The following ATF7IP2 variants were observed in gnomAD, a reference collection of about 807,000 sequenced individuals.
ATF7IP2 encodes activating transcription factor 7 interacting protein 2.
A neutral mutation model predicts 64.2 loss-of-function variants in ATF7IP2; 42 were observed. The ratio of observed to expected loss-of-function variants is 0.65; its 90% CI spans 0.51 to 0.85. ATF7IP2 has a LOEUF of 0.85. Among genes scored for constraint, ATF7IP2 ranks in the 40% least tolerant of loss-of-function variants. ATF7IP2 has a pLI of 0.00. For missense variants in ATF7IP2, 933 were observed against 784.2 expected, an observed-to-expected ratio of 1.19 and a Z score of -2.27; for synonymous variants, 308 against 272.8, an observed-to-expected ratio of 1.13 and a Z score of -1.27.
intron 1 of ATF7IP2, among the ~76,000 whole-genome samples, chr16:10,411,718 G>A (rs1011506379): frequency 3.9e-5 from 6 of 152,038 alleles, no homozygotes; most frequent in Non-Finnish European, 4.4e-5. Context: ...TATGTTATTG[G>A]TCTTTCAGGG....
In ATF7IP2 at chr16:10,457,400, A is replaced by G. The variant is rs1383606839; in HGVS notation, c.1223A>G (p.Asp408Gly). Residue 408 changes from aspartate to glycine, a missense_variant, in exon 9 of 14, where the codon GAT becomes GGT. Asp to Gly is a moderately conservative substitution (Grantham distance 94, BLOSUM62 -1). Coordinates refer to ENST00000562102, the MANE Select transcript of ATF7IP2 (RefSeq NM_001393719.1). ...GCAAATTCAGAGGCTATGATTTTGG[A>G]TAAGAATCTTGAGTCAGTTAATAGT... ...KVANSEAMILDKNLESVNSPI... is the reference protein window; with the variant it reads ...KVANSEAMILGKNLESVNSPI... The G allele has an allele frequency of 6.2e-7, 1 of 1,607,666 alleles. No individual in the cohort carries two copies. The highest frequency in any genetic ancestry group is 1.3e-5 in the African/African-American group (1 of 74,682).
At position 10,430,975 on chromosome 16, in the gene ATF7IP2, C is replaced by T; in HGVS notation, c.355C>T (p.Pro119Ser). The change falls in exon 5 of 14, where the codon CCA (proline) becomes TCA (serine). Residue 119 changes from proline (P) to serine (S), a missense_variant. By Grantham distance (74) the Pro-to-Ser change is moderately conservative. Coordinates refer to ENST00000562102, the MANE Select transcript of ATF7IP2 (RefSeq NM_001393719.1). The part of the protein sequence containing the change: ...LEQVVCSYQK[P>S]SRTTESPSRV... Reference sequence around the variant, plus strand: ...ACAAGTTGTTTGTTCGTACCAAAAGCCAAGTAGAACAACAGAATCCCCCAG... The same window carrying T: ...ACAAGTTGTTTGTTCGTACCAAAAGTCAAGTAGAACAACAGAATCCCCCAG... 6.2e-7 allele frequency: 1 copy of T among 1,614,080 alleles called. No individual in the cohort carries two copies.
intron 2 of ATF7IP2, among the ~76,000 whole-genome samples, 175 bp from the exon 3 acceptor site, chr16:10,419,406 G>A (rs543763284): frequency 1.3e-5 from 2 of 152,228 alleles, no homozygotes; most frequent in East Asian, 3.9e-4. Flanking sequence ...ACCTCCACTG[G>A]GGGGTCCAGC....
chr16:10,425,616 G>C (rs779027457), intron 3 of ATF7IP2, among the ~76,000 whole-genome samples: 1 of 152,006 alleles, frequency 6.6e-6, no homozygotes, highest in Non-Finnish European at 1.5e-5. Flanking sequence ...AAAGTAGGCC[G>C]GGTGTGGTGG....
At chr16:10,435,081 G>T (rs2048377325) in intron 6 of ATF7IP2, among the ~76,000 whole-genome samples, 1 of 152,124 alleles carries the variant, frequency 6.6e-6, no homozygotes, top group African/African-American at 2.4e-5. Context: ...AGTAACTTCT[G>T]ATGTGTACAT....
chr16:10,458,843 T>C (rs1450219996), intron 9 of ATF7IP2, among the ~76,000 whole-genome samples: 1 of 152,194 alleles, frequency 6.6e-6, no homozygotes, highest in Non-Finnish European at 1.5e-5. Context: ...AGTTTAATAG[T>C]CTACAAAAGT....
At chr16:10,425,592 A>T (rs11074826) in intron 3 of ATF7IP2, among the ~76,000 whole-genome samples, 2 of 152,146 alleles carry the variant, frequency 1.3e-5, no homozygotes, top group African/African-American at 4.8e-5. Flanking sequence ...ACATAAATTG[A>T]TACAAAAATG....
At chr16:10,473,678 T>A (rs933231635) in intron 11 of ATF7IP2, 144 bp downstream of exon 11, 4 of 682,394 alleles carry the variant, frequency 5.9e-6, no homozygotes, top group Non-Finnish European at 1.0e-5. Context: ...GCATAATTCA[T>A]AACGATACTC....
At chr16:10,461,582 G>A (rs2049376805) in intron 9 of ATF7IP2, among the ~76,000 whole-genome samples, 1 of 152,082 alleles carries the variant, frequency 6.6e-6, no homozygotes. Context: ...TTGGAAAGCA[G>A]ACACAAAAGA....
intron 1 of ATF7IP2, chr16:10,386,824 C>G (rs1258359442): frequency 6.7e-6 from 1 of 150,246 alleles, no homozygotes; most frequent in Non-Finnish European, 1.5e-5. Context: ...CCAAGTTTGG[C>G]AAGCAAGTTT....
intron 2 of ATF7IP2, among the ~76,000 whole-genome samples, chr16:10,417,425 C>A (rs952504221): frequency 2.6e-5 from 4 of 152,054 alleles, no homozygotes; most frequent in African/African-American, 9.7e-5. Flanking sequence ...TGAGCAGGAG[C>A]AGCTAGACAT....
intron 8 of ATF7IP2, among the ~76,000 whole-genome samples, chr16:10,443,744 T>C (rs886887275): frequency 2.0e-5 from 3 of 152,106 alleles, no homozygotes; most frequent in African/African-American, 7.2e-5. Context: ...TCAAGGAGGC[T>C]ATAGGGTCCC....
intron 7 of ATF7IP2, among the ~76,000 whole-genome samples, chr16:10,439,069 A>G (rs2048520688): frequency 6.6e-6 from 1 of 151,140 alleles, no homozygotes; most frequent in African/African-American, 2.4e-5. Context: ...AAAAAAAAAT[A>G]GGCAGTTTCT....
intron 7 of ATF7IP2, among the ~76,000 whole-genome samples, chr16:10,439,240 G>T (rs368511856): frequency 6.6e-6 from 1 of 151,690 alleles, no homozygotes; most frequent in African/African-American, 2.4e-5. Context: ...GTTTTGTTTC[G>T]TTTGTTTGAG....
intron 1 of ATF7IP2, 47 bp downstream of exon 1, chr16:10,386,169 G>C (rs2047198810): frequency 6.6e-6 from 1 of 152,512 alleles, no homozygotes; most frequent in Non-Finnish European, 1.5e-5. Flanking sequence ...CGATTGGCGG[G>C]GTGGCGGCTC....
chr16:10,459,339 G>A (rs1451222637), intron 9 of ATF7IP2, among the ~76,000 whole-genome samples: 1 of 151,906 alleles, frequency 6.6e-6, no homozygotes, highest in Non-Finnish European at 1.5e-5. Flanking sequence ...ATGGTGGCGG[G>A]TGCCTGTACT....
intron 1 of ATF7IP2, among the ~76,000 whole-genome samples, chr16:10,402,490 T>C (rs1214107090): frequency 6.6e-6 from 1 of 152,154 alleles, no homozygotes; most frequent in African/African-American, 2.4e-5. Flanking sequence ...TGAGACAAGG[T>C]CTTACTCTGT....
At chr16:10,440,993 C>T (rs1188780717) in intron 8 of ATF7IP2, among the ~76,000 whole-genome samples, 2 of 152,116 alleles carry the variant, frequency 1.3e-5, no homozygotes, top group African/African-American at 4.8e-5. Flanking sequence ...TGAGTGAGAA[C>T]ATGTAGTGTT....
chr16:10,459,182 A>C (rs2049285553), intron 9 of ATF7IP2, among the ~76,000 whole-genome samples: 1 of 151,948 alleles, frequency 6.6e-6, no homozygotes, highest in South Asian at 2.1e-4. Context: ...AAAAATACAA[A>C]ATTAGGCCCG....
Sources: allele counts gnomAD v4.1 joint callset (sites outside exome capture counted in the v4.1 genomes callset), GRCh38; gene constraint gnomAD v4.1.1; transcripts MANE v1.5; gene names NCBI Gene and HGNC (gene_info 2026-07-23, HGNC 2026-07-21).